Variants in AIM2 observed in about 807,000 individuals in gnomAD.
AIM2 encodes the protein interferon-inducible protein AIM2.
AIM2 carries 30 observed loss-of-function variants against 27.7 expected under a neutral mutation model. The ratio of observed to expected loss-of-function variants is 1.08; its 90% CI spans 0.81 to 1.47. The LOEUF (loss-of-function observed/expected upper bound fraction) is 1.47. Among genes scored for constraint, AIM2 ranks in the 40% most tolerant of loss-of-function variants. The probability of loss-of-function intolerance (pLI) is 0.00; values close to 1 mark genes in which losing one functional copy is unlikely to be tolerated. For synonymous variants in AIM2, 141 were observed against 145.3 expected (o/e 0.97, Z 0.21); for missense variants, 358 against 411.3 (o/e 0.87, Z 1.12).
At chr1:159,081,263 C>T (rs961007073), upstream of AIM2, 3 of 189,526 alleles carry the variant, frequency 1.6e-5, no homozygotes, top group African/African-American at 7.2e-5. Flanking sequence ...AAATACCTTA[C>T]AAGATAGGAC....
chr1:159,123,768 T>C (rs150370283), intron 1 of AIM2, among the ~76,000 whole-genome samples: 1 of 152,320 alleles, frequency 6.6e-6, no homozygotes, highest in Non-Finnish European at 1.5e-5. Context: ...AACAGCTAAC[T>C]GAACAAGTGC....
chr1:159,080,090 A>G (rs1656740310), upstream of AIM2, among the ~76,000 whole-genome samples: 1 of 152,232 alleles, frequency 6.6e-6, no homozygotes, highest in Non-Finnish European at 1.5e-5. Flanking sequence ...CTACTGAAGA[A>G]CACGTTGGTT....
At chr1:159,073,719 A>G (rs1028188417) in intron 1 of AIM2, among the ~76,000 whole-genome samples, 200 bp from the exon 2 acceptor site, 9 of 152,198 alleles carry the variant, frequency 5.9e-5, no homozygotes, top group Non-Finnish European at 1.3e-4. Flanking sequence ...GAAAGTATAC[A>G]ACACCTCTGG....
the AIM2 span, among the ~76,000 whole-genome samples, chr1:159,056,717 CAAAAAAAAAA>C: frequency 4.5e-4 from 20 of 44,210 alleles, no homozygotes; most frequent in East Asian, 2.4e-3. Flanking sequence ...GCCCAACCGG[CAAAAAAAAAA>C]AAAAAAAAAA....
upstream of AIM2, among the ~76,000 whole-genome samples, chr1:159,079,682 G>A (rs1295199365): frequency 6.6e-6 from 1 of 152,124 alleles, no homozygotes; most frequent in Non-Finnish European, 1.5e-5. Flanking sequence ...AGGGTGGACT[G>A]AGCATGACAC....
chr1:159,107,403 G>A (rs535398443), intron 1 of AIM2, among the ~76,000 whole-genome samples: 4 of 152,008 alleles, frequency 2.6e-5, no homozygotes, highest in South Asian at 4.1e-4. Context: ...AGGACTGCAG[G>A]GGGGAGTGGA....
chr1:159,120,643 A>G (rs1262663482), intron 1 of AIM2, among the ~76,000 whole-genome samples: 1 of 152,228 alleles, frequency 6.6e-6, no homozygotes, highest in East Asian at 1.9e-4. Flanking sequence ...TTGAGGGGAA[A>G]GCACTCAATT....
chr1:159,127,838 C>G (rs1035601065), intron 1 of AIM2, among the ~76,000 whole-genome samples: 20 of 152,116 alleles, frequency 1.3e-4, no homozygotes, highest in African/African-American at 4.8e-4. Flanking sequence ...GTTTATAAAC[C>G]ACCAGGTCTG....
chr1:159,074,289 T>C (rs1377709982), intron 1 of AIM2, among the ~76,000 whole-genome samples: 1 of 152,228 alleles, frequency 6.6e-6, no homozygotes, highest in Non-Finnish European at 1.5e-5. Flanking sequence ...TTTTATGTCT[T>C]CCTGTAAGAA....
At position 159,075,596 on chromosome 1, in the gene AIM2, C is replaced by CTATA. The variant is rs149638835; in HGVS notation, c.-21+1033_-21+1036dup. On this transcript the variant is annotated intron_variant, in intron 1 of 5. Transcript: ENST00000368130. Reference sequence around the variant, plus strand: ...ACACATATATATATGGCTATACCTGCTATATATATATATATAGAGAGAGAG... The same window carrying CTATA: ...ACACATATATATATGGCTATACCTGCTATATATATATATATATATAGAGAGAGAG... 2.4e-4 allele frequency among the ~76,000 whole-genome samples: 29 copies of CTATA among 123,092 alleles called. 1 individual carries two copies. The highest frequency in any genetic ancestry group is 1.0e-3 in the African/African-American group (29 of 29,132). The allele number at this position is 123,092 out of a possible 152,430, so 80.8% of individuals were successfully genotyped here.
At chr1:159,065,744 T>G (rs564379057) in intron 4 of AIM2, among the ~76,000 whole-genome samples, 166 bp downstream of exon 4, 1 of 152,362 alleles carries the variant, frequency 6.6e-6, no homozygotes, top group East Asian at 1.9e-4. Context: ...ATTTTTGAGT[T>G]TTTGTATGAA....
chr1:159,095,215 T>C (rs1170834230), intron 1 of AIM2, among the ~76,000 whole-genome samples: 2 of 152,238 alleles, frequency 1.3e-5, no homozygotes, highest in Non-Finnish European at 2.9e-5. Flanking sequence ...TCAAGCATTA[T>C]AGTCAGTCTA....
At chr1:159,126,224 C>T (rs1483463501) in intron 1 of AIM2, among the ~76,000 whole-genome samples, 2 of 152,212 alleles carry the variant, frequency 1.3e-5, no homozygotes, top group Non-Finnish European at 2.9e-5. Flanking sequence ...CAAGACTAAA[C>T]TGCCACTGGC....
At chr1:159,113,291 T>A (rs182931694) in intron 1 of AIM2, among the ~76,000 whole-genome samples, 14 of 152,176 alleles carry the variant, frequency 9.2e-5, no homozygotes, top group African/African-American at 3.1e-4. Flanking sequence ...ATTGTTATCT[T>A]TTATTTAGGA....
intron 1 of AIM2, among the ~76,000 whole-genome samples, chr1:159,138,502 T>G (rs971562041): frequency 6.6e-6 from 1 of 152,242 alleles, no homozygotes; most frequent in Admixed American, 6.5e-5. Flanking sequence ...AAAATGCTAT[T>G]AGCTATTATA....
intron 1 of AIM2, among the ~76,000 whole-genome samples, chr1:159,088,717 G>T (rs1656978773): frequency 6.6e-6 from 1 of 152,052 alleles, no homozygotes; most frequent in Non-Finnish European, 1.5e-5. Context: ...ATGATGGGGT[G>T]GGGCTTGTGG....
chr1:159,131,488 TAATGAA>T (rs1305975643), intron 1 of AIM2, among the ~76,000 whole-genome samples: 2 of 152,182 alleles, frequency 1.3e-5, no homozygotes, highest in African/African-American at 2.4e-5. Context: ...AGAAATTATT[TAATGAA>T]AATCTAGAAA....
intron 1 of AIM2, among the ~76,000 whole-genome samples, chr1:159,097,731 T>C (rs1031936632): frequency 2.6e-5 from 4 of 152,182 alleles, no homozygotes; most frequent in South Asian, 2.1e-4. Flanking sequence ...GTTGTGAGGA[T>C]CACATAAGTT....
intron 1 of AIM2, among the ~76,000 whole-genome samples, chr1:159,128,869 C>T (rs1647792071): frequency 6.6e-6 from 1 of 152,224 alleles, no homozygotes; most frequent in Non-Finnish European, 1.5e-5. Flanking sequence ...GATCCCTCTA[C>T]ATTGGGACAC....
Sources: allele counts gnomAD v4.1 joint callset (sites outside exome capture counted in the v4.1 genomes callset), GRCh38; gene constraint gnomAD v4.1.1; transcripts MANE v1.5; gene names NCBI Gene and HGNC (gene_info 2026-07-23, HGNC 2026-07-21).